CWH43: variants seen among roughly 807,000 people sequenced by gnomAD.
CWH43 encodes the protein cell wall biogenesis 43 C-terminal homolog.
In CWH43, 91 loss-of-function variants were observed where a neutral mutation model predicts 85.7. The ratio of observed to expected loss-of-function variants is 1.06; its 90% CI spans 0.90 to 1.26. CWH43 has a LOEUF of 1.26. Among genes scored for constraint, CWH43 ranks in the 50% most tolerant of loss-of-function variants. The probability of loss-of-function intolerance (pLI) is 0.00; values close to 1 mark genes in which losing one functional copy is unlikely to be tolerated. For missense variants in CWH43, 869 were observed against 839.2 expected (o/e 1.04, Z -0.44); for synonymous variants, 323 against 293.6 (o/e 1.10, Z -1.02).
chr4:49,049,108 G>C (rs2768965), intron 14 of CWH43, among the ~76,000 whole-genome samples: 1 of 151,846 alleles, frequency 6.6e-6, no homozygotes, highest in Non-Finnish European at 1.5e-5. Context: ...TTAGAGATTT[G>C]GGAATAAATA....
At chr4:48,997,951 T>C (rs1782865756) in intron 5 of CWH43, among the ~76,000 whole-genome samples, 1 of 152,206 alleles carries the variant, frequency 6.6e-6, no homozygotes, top group Non-Finnish European at 1.5e-5. Context: ...TTTTTCCTCC[T>C]CTTGCAACTT....
At chr4:49,047,352 A>G (rs1222800853) in intron 14 of CWH43, among the ~76,000 whole-genome samples, 1 of 152,188 alleles carries the variant, frequency 6.6e-6, no homozygotes, top group Non-Finnish European at 1.5e-5. Flanking sequence ...ACAGAGAAGG[A>G]TCTCTATGCT....
chr4:49,006,055 G>C (rs575495589), intron 7 of CWH43, among the ~76,000 whole-genome samples: 4 of 152,242 alleles, frequency 2.6e-5, no homozygotes, highest in African/African-American at 9.6e-5. Context: ...TTTCCTCCGT[G>C]GTAACCTTGG....
chr4:49,056,787 G>A (rs981965137), intron 15 of CWH43, among the ~76,000 whole-genome samples: 1 of 151,856 alleles, frequency 6.6e-6, no homozygotes, highest in African/African-American at 2.4e-5. Context: ...GGTGTTTATT[G>A]CTACAAAATT....
rs188903621 is a variant in CWH43, at chr4:49,022,340, G to T, written c.1266+5012G>T. ...TTTTGTTTTAAATTCTGTTTATGTG[G>T]TGTATCACATTTATTGACTTACTGA... On this transcript the variant is annotated intron_variant, in intron 9 of 15. Coordinates refer to ENST00000226432, the MANE Select transcript of CWH43 (RefSeq NM_025087.3). Among the ~76,000 whole-genome samples the T allele has an allele frequency of 9.2e-5, 14 of 152,168 alleles. No homozygotes were observed. The East Asian group carries it at 2.7e-3, about 29-fold the overall frequency.
chr4:49,015,260 G>A (rs1336762856), intron 8 of CWH43, among the ~76,000 whole-genome samples: 1 of 149,724 alleles, frequency 6.7e-6, no homozygotes, highest in Non-Finnish European at 1.5e-5. Flanking sequence ...TCATTGATTA[G>A]GGTTTTTTTT....
rs528654654 is a variant in CWH43, at chr4:49,047,720, G to A, written c.1865+2873G>A. Among the ~76,000 whole-genome samples the A allele has an allele frequency of 9.1e-4, 139 of 152,040 alleles. 2 individuals carry two copies. In the South Asian group the frequency reaches 1.0e-2, roughly 11 times the overall value. On this transcript the variant is annotated intron_variant, in intron 14 of 15. Coordinates refer to ENST00000226432, the MANE Select transcript of CWH43 (RefSeq NM_025087.3). ...GGGCGGCCGAGGAGGGAAGGAGAGA[G>A]TGTGTGGGCAGGCAGGGAAGAGAAC...
intron 2 of CWH43, among the ~76,000 whole-genome samples, chr4:48,990,967 G>T (rs983587720): frequency 5.9e-5 from 9 of 152,160 alleles, no homozygotes; most frequent in African/African-American, 1.9e-4. Flanking sequence ...ATGAAACACT[G>T]ATACATGCTA....
At chr4:49,022,819 T>G (rs1783794217) in intron 9 of CWH43, among the ~76,000 whole-genome samples, 1 of 152,192 alleles carries the variant, frequency 6.6e-6, no homozygotes, top group African/African-American at 2.4e-5. Context: ...CTCTAGGTTT[T>G]CTAGTTTATG....
intron 15 of CWH43, among the ~76,000 whole-genome samples, chr4:49,055,597 T>A (rs966808870): frequency 2.0e-5 from 3 of 152,034 alleles, no homozygotes; most frequent in Non-Finnish European, 4.4e-5. Flanking sequence ...TTTCATTTTT[T>A]TTTTTTTTTG....
chr4:49,039,057 C>T (rs1784352803), intron 13 of CWH43, among the ~76,000 whole-genome samples: 1 of 130,620 alleles, frequency 7.7e-6, no homozygotes, highest in Non-Finnish European at 1.6e-5. Context: ...GACTCTGTCT[C>T]AAAAAAATAT....
At chr4:49,019,446 G>A (rs1266131614) in intron 9 of CWH43, among the ~76,000 whole-genome samples, 1 of 152,202 alleles carries the variant, frequency 6.6e-6, no homozygotes, top group Non-Finnish European at 1.5e-5. Context: ...GAAGCTCGGT[G>A]AAGAGTAGTA....
At chr4:49,016,409 G>A (rs1477300115) in intron 8 of CWH43, among the ~76,000 whole-genome samples, 1 of 152,098 alleles carries the variant, frequency 6.6e-6, no homozygotes, top group African/African-American at 2.4e-5. Flanking sequence ...TGTAAGAAGG[G>A]AGAGGATGGT....
At chr4:49,046,176 C>T (rs2109832660) in intron 14 of CWH43, among the ~76,000 whole-genome samples, 1 of 152,230 alleles carries the variant, frequency 6.6e-6, no homozygotes, top group Middle Eastern at 3.4e-3. Flanking sequence ...TGACTGTATA[C>T]ATACATATGT....
intron 12 of CWH43, among the ~76,000 whole-genome samples, chr4:49,037,185 A>T (rs144800333): frequency 3.9e-4 from 60 of 152,252 alleles, no homozygotes; most frequent in African/African-American, 1.3e-3. Context: ...TACCCACCTA[A>T]GTATCTCAGT....
At chr4:49,049,587 C>G (rs1250432197) in intron 14 of CWH43, among the ~76,000 whole-genome samples, 1 of 152,046 alleles carries the variant, frequency 6.6e-6, no homozygotes, top group Non-Finnish European at 1.5e-5. Flanking sequence ...TTCATAGTGG[C>G]CTGTGAGGAA....
intron 8 of CWH43, among the ~76,000 whole-genome samples, chr4:49,009,904 T>C (rs1783297593): frequency 6.6e-6 from 1 of 152,110 alleles, no homozygotes; most frequent in Admixed American, 6.6e-5. Flanking sequence ...ATTTTCACAG[T>C]GATGTATATC....
At chr4:48,987,125 C>A (rs1209643932) in intron 1 of CWH43, among the ~76,000 whole-genome samples, 1 of 152,020 alleles carries the variant, frequency 6.6e-6, no homozygotes, top group African/African-American at 2.4e-5. Context: ...TTGCTAGAAT[C>A]CCCGGTTCGT....
intron 4 of CWH43, among the ~76,000 whole-genome samples, chr4:48,993,279 T>A (rs1782713278): frequency 1.3e-5 from 2 of 152,210 alleles, no homozygotes; most frequent in South Asian, 4.1e-4. Context: ...TGTAATACAC[T>A]GCATTTTACT....
Sources: allele counts gnomAD v4.1 joint callset (sites outside exome capture counted in the v4.1 genomes callset), GRCh38; gene constraint gnomAD v4.1.1; transcripts MANE v1.5; gene names NCBI Gene and HGNC (gene_info 2026-07-23, HGNC 2026-07-21).